Variants in CEP350 observed in about 807,000 individuals in gnomAD.
CEP350 encodes centrosome-associated protein 350.
Under a neutral mutation model 331.8 loss-of-function variants are expected in CEP350, and 126 were observed. The ratio of observed to expected loss-of-function variants is 0.38; its 90% CI spans 0.33 to 0.44. The LOEUF is 0.44. Among genes scored for constraint, CEP350 ranks in the 20% least tolerant of loss-of-function variants. The pLI is 1.00. For missense variants in CEP350, 3,406 were observed against 3,634.6 expected (o/e 0.94, Z 1.62); for synonymous variants, 1,200 against 1,259.5 (o/e 0.95, Z 1.00).
intron 1 of CEP350, among the ~76,000 whole-genome samples, chr1:179,971,320 C>T (rs957630259): frequency 2.2e-4 from 33 of 152,160 alleles, no homozygotes; most frequent in Middle Eastern, 3.4e-3. Context: ...TGAGCCACTG[C>T]GCCCTGCCTT....
At chr1:180,021,315 C>T (rs1022885431) in intron 12 of CEP350, among the ~76,000 whole-genome samples, 17 of 152,044 alleles carry the variant, frequency 1.1e-4, no homozygotes, top group Non-Finnish European at 1.9e-4. Context: ...ATATATATCA[C>T]GTATATACTA....
chr1:180,015,980 G>A lies in CEP350; in HGVS notation c.2174+10G>A, dbSNP rs747629044. The A allele has an allele frequency of 2.6e-5, 42 of 1,612,458 alleles. No individual in the cohort carries two copies. The highest frequency in any genetic ancestry group is 1.2e-4 in the South Asian group (11 of 90,744). ...CACAGCCTCTTGCAAGGTAAAAAGG[G>A]AAGAATGAAAGATGATTAAGATTCT... On this transcript the variant is annotated intron_variant, in intron 11 of 37. Coordinates refer to ENST00000367607, the MANE Select transcript of CEP350 (RefSeq NM_014810.5).
chr1:180,032,347 A>G (rs754612538), intron 15 of CEP350, among the ~76,000 whole-genome samples: 4 of 152,126 alleles, frequency 2.6e-5, no homozygotes, highest in Non-Finnish European at 5.9e-5. Context: ...ATAATTTTGC[A>G]TCATTAATAC....
chr1:180,052,322 A>C lies in CEP350; in HGVS notation c.4793-648A>C, dbSNP rs189229895. 5 of 429,088 alleles carry C rather than the reference A, an allele frequency of 1.2e-5. No individual in the cohort carries two copies. In the East Asian group the frequency reaches 3.7e-4, roughly 31 times the overall value. 26.6% of individuals were successfully genotyped at this position (429,088 alleles called of 1,614,324 possible). A position where few individuals can be genotyped will look rare whatever the true frequency, so the allele number is the denominator to read the frequency against. On this transcript the variant is annotated intron_variant, in intron 22 of 37. Coordinates refer to ENST00000367607, the MANE Select transcript of CEP350 (RefSeq NM_014810.5). Reference sequence around the variant, plus strand: ...CCAAAATGCTGGAATTACAGGTGTGAGCCCCTGTGCCTGGCCCCTAGATTG... The same window carrying C: ...CCAAAATGCTGGAATTACAGGTGTGCGCCCCTGTGCCTGGCCCCTAGATTG...
intron 31 of CEP350, among the ~76,000 whole-genome samples, chr1:180,084,574 G>C (rs1205928533): frequency 1.3e-5 from 2 of 152,212 alleles, no homozygotes; most frequent in Middle Eastern, 3.4e-3. Flanking sequence ...CTGTGTTAGC[G>C]AGGATGGTCT....
chr1:180,059,038 A>C (rs909531511), intron 25 of CEP350, among the ~76,000 whole-genome samples: 1 of 152,224 alleles, frequency 6.6e-6, no homozygotes. Context: ...TTTAAAGTGA[A>C]CAGTTCATTT....
At chr1:180,028,234 A>G (rs1318904738) in intron 14 of CEP350, among the ~76,000 whole-genome samples, 1 of 152,244 alleles carries the variant, frequency 6.6e-6, no homozygotes, top group East Asian at 1.9e-4. Context: ...TTTTAGGATA[A>G]GGATGAGGCT....
chr1:180,103,072 T>A (rs1225265154), intron 37 of CEP350, among the ~76,000 whole-genome samples: 3 of 152,242 alleles, frequency 2.0e-5, no homozygotes, highest in Non-Finnish European at 4.4e-5. Flanking sequence ...ATAGGCAGGC[T>A]TTAAGAGGTG....
At chr1:179,968,936 C>G (rs762592351) in intron 1 of CEP350, 8 of 757,798 alleles carry the variant, frequency 1.1e-5, no homozygotes, top group Non-Finnish European at 1.9e-5. Flanking sequence ...ACTGGAGCCA[C>G]TCCAATTGCT....
chr1:180,037,048 C>G lies in CEP350; in HGVS notation c.4069C>G (p.Leu1357Val), dbSNP rs141458240. ...SDVERVRGIS[L>V]AQQESVSLAQ... is the part of the protein sequence containing the mutation. ...TGTAGAAAGAGTTAGAGGCATTTCA[C>G]TTGCTCAGCAGGAGAGTGTGTCTCT... is the stretch of plus-strand genomic sequence containing the variant. The change falls in exon 17 of 38, where the codon CTT (leucine) becomes GTT (valine). Residue 1357 changes from leucine to valine, a missense_variant. Leu to Val is a conservative substitution (Grantham distance 32). This residue lies in a region of CEP350 where 1,857 missense variants were observed against 1,909.2 expected (regional missense o/e 0.97). Transcript: ENST00000367607. 12 of 1,605,528 alleles carry G rather than the reference C, an allele frequency of 7.5e-6. No homozygotes were observed. In the African/African-American group the frequency reaches 1.2e-4, roughly 16 times the overall value.
At chr1:179,998,720 T>C (rs912942658) in intron 6 of CEP350, among the ~76,000 whole-genome samples, 2 of 152,190 alleles carry the variant, frequency 1.3e-5, no homozygotes, top group Non-Finnish European at 2.9e-5. Flanking sequence ...TTTTGCAGTT[T>C]CTTATAGTCC....
chr1:180,062,158 A>G (rs1352779146), intron 25 of CEP350, 62 bp from the exon 26 acceptor site: 8 of 1,366,772 alleles, frequency 5.9e-6, no homozygotes, highest in Admixed American at 3.2e-5. Context: ...TTTTTTTTTA[A>G]ATATTACTTT....
At chr1:180,011,785 A>G in intron 8 of CEP350, 144 bp from the exon 9 acceptor site, 2 of 561,938 alleles carry the variant, frequency 3.6e-6, no homozygotes, top group South Asian at 5.4e-5. Flanking sequence ...TGGGGAGGTT[A>G]GGGTTTAAAA....
In CEP350 at chr1:180,096,199, A is replaced by G. The variant is rs1558158377; in HGVS notation, c.9066+15A>G. Reference sequence around the variant, plus strand: ...ATGAAATCAAGGTAAACTGCAAACTATAAAGTGTCTTCTTTTTTGACTTGC... The same window carrying G: ...ATGAAATCAAGGTAAACTGCAAACTGTAAAGTGTCTTCTTTTTTGACTTGC... On this transcript the variant is annotated intron_variant, in intron 36 of 37. Transcript: ENST00000367607. The G allele has an allele frequency of 6.5e-7, 1 of 1,533,690 alleles. No homozygotes were observed. The highest frequency in any genetic ancestry group is 8.8e-7 in the Non-Finnish European group (1 of 1,139,842).
Position 180,094,071 on chromosome 1 carries a change from T to G in CEP350, c.7966T>G (p.Ser2656Ala). ...VLEAHVHQQS[S>A]VDSQISSKEN... ...TGAAGCCCATGTTCACCAGCAGTCT[T>G]CAGTGGATTCACAGATTTCTTCAAA... The change falls in exon 34 of 38, where the codon TCA (serine) becomes GCA (alanine). Residue 2656 changes from serine to alanine, a missense_variant. By Grantham distance (99) the Ser-to-Ala change is moderately conservative (BLOSUM62 1). Transcript: ENST00000367607. The G allele has an allele frequency of 6.2e-7, 1 of 1,613,938 alleles. No individual in the cohort carries two copies. The highest frequency in any genetic ancestry group is 8.5e-7 in the Non-Finnish European group (1 of 1,179,874).
intron 31 of CEP350, among the ~76,000 whole-genome samples, chr1:180,085,377 G>T (rs2149100888): frequency 6.6e-6 from 1 of 152,178 alleles, no homozygotes; most frequent in South Asian, 2.1e-4. Flanking sequence ...AAAGTTTCTT[G>T]TTTGTCCCTT....
chr1:180,022,692 T>C lies in CEP350; in HGVS notation c.3236-6T>C. ...TTAACCATGTTTCAATTATTACTTT[T>C]GTCAGGGTTTGAAGACAAGTTGGAC... On this transcript the variant is annotated splice_polypyrimidine_tract_variant and splice_region_variant and intron_variant, in intron 12 of 37. Transcript: ENST00000367607. 1 of 1,604,976 alleles carries C rather than the reference T, an allele frequency of 6.2e-7. No homozygotes were observed.
intron 28 of CEP350, among the ~76,000 whole-genome samples, chr1:180,077,877 T>G (rs112954133): frequency 0.035 from 5,391 of 152,188 alleles, 179 homozygotes; most frequent in African/African-American, 0.072. Context: ...CTCACGCCTG[T>G]AATCCCAGCA....
intron 3 of CEP350, among the ~76,000 whole-genome samples, chr1:179,988,418 C>T (rs1652805065): frequency 6.6e-6 from 1 of 152,152 alleles, no homozygotes; most frequent in Admixed American, 6.5e-5. Flanking sequence ...AATTATTCTT[C>T]CTTTCCAATT....
Sources: gnomAD v4.1 joint callset for allele counts (sites outside exome capture counted in the v4.1 genomes callset) on GRCh38, gnomAD v4.1.1 for gene constraint, gnomAD v4.1.1 regional missense constraint, MANE v1.5 for transcripts, NCBI Gene and HGNC (gene_info 2026-07-23, HGNC 2026-07-21) for gene names.